Variants in ABR observed in about 807,000 individuals in gnomAD.
ABR encodes the protein active breakpoint cluster region-related protein.
ABR carries 35 observed loss-of-function variants against 107.2 expected under a neutral mutation model. The ratio of observed to expected loss-of-function variants is 0.33; its 90% CI spans 0.25 to 0.43. ABR has a LOEUF of 0.43. ABR is among the 20% of genes least tolerant of loss of function. The pLI, the probability that ABR is intolerant of heterozygous loss-of-function variation, is 1.00. For missense variants in ABR, 815 were observed against 1,115.2 expected, an observed-to-expected ratio of 0.73 and a Z score of 3.83; for synonymous variants, 498 against 462.0, an observed-to-expected ratio of 1.08 and a Z score of -1.00.
At chr17:1,170,007 T>G (rs201909652) in intron 1 of ABR, among the ~76,000 whole-genome samples, 2,882 of 121,410 alleles carry the variant, frequency 0.024, 72 homozygotes, top group East Asian at 0.068. Context: ...TGTGTGTGTG[T>G]GGGGGGGGGG....
At chr17:1,007,413 G>C in intron 21 of ABR, 101 bp from the exon 22 acceptor site, 1 of 1,408,480 alleles carries the variant, frequency 7.1e-7, no homozygotes, top group Non-Finnish European at 9.7e-7. Flanking sequence ...AAGGACTCCT[G>C]GAAGGGGTCA....
At chr17:1,152,187 G>A (rs758490429) in intron 1 of ABR, among the ~76,000 whole-genome samples, 14 of 152,248 alleles carry the variant, frequency 9.2e-5, no homozygotes, top group Non-Finnish European at 2.1e-4. Flanking sequence ...CTACTCGGGA[G>A]GCTGAGGCAG....
At chr17:1,060,272 T>A (rs746928749) in intron 10 of ABR, among the ~76,000 whole-genome samples, 3 of 151,928 alleles carry the variant, frequency 2.0e-5, no homozygotes, top group Non-Finnish European at 4.4e-5. Flanking sequence ...CTACCGGGCG[T>A]GGTGGCGGGC....
chr17:1,053,870 A>G (rs2032891638), intron 14 of ABR, among the ~76,000 whole-genome samples: 1 of 152,150 alleles, frequency 6.6e-6, no homozygotes, highest in African/African-American at 2.4e-5. Flanking sequence ...TGGGTGGGAC[A>G]GTGCTTCAGA....
At chr17:1,170,512 C>T (rs1197534055) in intron 1 of ABR, among the ~76,000 whole-genome samples, 1 of 152,214 alleles carries the variant, frequency 6.6e-6, no homozygotes, top group African/African-American at 2.4e-5. Context: ...TCTCAGGTCA[C>T]TACAACCTCC....
intron 1 of ABR, among the ~76,000 whole-genome samples, chr17:1,193,791 A>C (rs2042488265): frequency 6.6e-6 from 1 of 152,034 alleles, no homozygotes; most frequent in Non-Finnish European, 1.5e-5. Context: ...CCCAGGTTGA[A>C]GCGATTCACC....
In ABR at chr17:1,100,781, C is replaced by T. The variant is rs769638618; in HGVS notation, c.247-46G>A. 103 of 1,580,904 alleles carry T rather than the reference C, an allele frequency of 6.5e-5. 1 individual carries two copies. The South Asian group carries it at 1.1e-3, about 17-fold the overall frequency. On this transcript the variant is annotated intron_variant, in intron 2 of 22. Transcript: ENST00000302538. ...GCCAACAGCTCATGAGCAAGGAGGC[C>T]AAAACCCTGCGTGGACGGTCTGCTT...
intron 1 of ABR, among the ~76,000 whole-genome samples, chr17:1,174,040 C>G (rs906189008): frequency 2.0e-5 from 3 of 152,232 alleles, no homozygotes; most frequent in African/African-American, 7.2e-5. Context: ...GCAGATCATA[C>G]CTCAGACAGA....
At chr17:1,112,720 G>A (rs1261350789) in intron 2 of ABR, among the ~76,000 whole-genome samples, 1 of 152,136 alleles carries the variant, frequency 6.6e-6, no homozygotes, top group Non-Finnish European at 1.5e-5. Flanking sequence ...CATGGAGGGT[G>A]AGGGGCATAA....
At position 1,011,957 on chromosome 17, in the gene ABR, C is replaced by T. The variant is rs372963142; in HGVS notation, c.1990G>A (p.Val664Ile). ...TCCACCTCCTCCACACACTGCCGGA[C>T]GATGTAGGGCACCTTGGAGCGCTCC... Reference protein sequence around the residue: ...KRERSKVPYIVRQCVEEVEKR... With the variant: ...KRERSKVPYIIRQCVEEVEKR... The change falls in exon 19 of 23, where the codon GTC becomes ATC. Residue 664 changes from valine (V) to isoleucine (I), a missense_variant. Around this residue, in one of 5 missense-constraint regions of ABR, gnomAD observed 175 missense variants for 284.3 expected, o/e 0.62. Transcript: ENST00000302538. This position sits in a 1 kb window ranked among gnomAD's most constrained non-coding sequence, Gnocchi z 4.8. The T allele has an allele frequency of 8.6e-5, 139 of 1,613,540 alleles. 2 individuals are homozygous for T. The highest frequency in any genetic ancestry group is 5.7e-4 in the Admixed American group (34 of 59,984).
At chr17:1,229,569 G>T (rs566714770) in exon 1 of ABR, among the ~76,000 whole-genome samples, 10 of 152,080 alleles carry the variant, frequency 6.6e-5, no homozygotes, top group South Asian at 2.1e-4. Flanking sequence ...CCTCGGGACC[G>T]GCGCCTCCGC....
chr17:1,155,776 C>A (rs1375232905), intron 1 of ABR, among the ~76,000 whole-genome samples: 1 of 151,870 alleles, frequency 6.6e-6, no homozygotes, highest in African/African-American at 2.4e-5. Context: ...CCAGCCTAAC[C>A]AACATAGTAA....
Position 1,003,647 on chromosome 17 carries a change from CT to C in ABR, c.*2432del, listed in dbSNP as rs1290312206. On this transcript the variant is annotated 3_prime_UTR_variant, in exon 23 of 23. Transcript: ENST00000302538. ...AGACAAAAAAATATATCCTTACCAACTTATTAAAGTCAGATATTCATGAAGG... is the reference window on the plus strand; with the variant it reads ...AGACAAAAAAATATATCCTTACCAACTATTAAAGTCAGATATTCATGAAGG... The C allele has an allele frequency of 6.6e-6, 1 of 152,490 alleles. No homozygotes were observed. The highest frequency in any genetic ancestry group is 1.5e-5 in the Non-Finnish European group (1 of 68,046). 9.4% of individuals were successfully genotyped at this position (152,490 alleles called of 1,614,324 possible). A position where few individuals can be genotyped will look rare whatever the true frequency, so the allele number is the denominator to read the frequency against.
chr17:1,222,539 C>A (rs2043137886), intron 1 of ABR, among the ~76,000 whole-genome samples: 2 of 152,142 alleles, frequency 1.3e-5, no homozygotes, highest in Non-Finnish European at 2.9e-5. Context: ...GGGCAGAAAA[C>A]CCATCAGGTT....
intron 20 of ABR, 159 bp from the exon 21 acceptor site, chr17:1,009,943 T>G: frequency 1.6e-6 from 1 of 635,166 alleles, no homozygotes; most frequent in Non-Finnish European, 2.8e-6. Flanking sequence ...GGGTGGGCTG[T>G]CAGCAGCTGC....
intron 2 of ABR, among the ~76,000 whole-genome samples, chr17:1,112,207 C>T (rs1162680933): frequency 1.3e-5 from 2 of 152,202 alleles, no homozygotes; most frequent in East Asian, 1.9e-4. Flanking sequence ...GGCACACATA[C>T]GAGGCTGGGA....
chr17:1,036,257 G>T (rs2073171633), intron 16 of ABR, among the ~76,000 whole-genome samples: 2 of 152,324 alleles, frequency 1.3e-5, no homozygotes. Flanking sequence ...GCCCCAGTGG[G>T]GATAGCCTGG....
At chr17:1,007,635 T>G (rs539204223) in intron 21 of ABR, among the ~76,000 whole-genome samples, 1 of 152,350 alleles carries the variant, frequency 6.6e-6, no homozygotes, top group East Asian at 1.9e-4. Flanking sequence ...GAAAACTCCC[T>G]GGAACAACTC....
At chr17:1,065,876 G>A (rs930465527) in intron 10 of ABR, among the ~76,000 whole-genome samples, 59 of 151,620 alleles carry the variant, frequency 3.9e-4, no homozygotes, top group African/African-American at 1.4e-3. Context: ...CTCCTGAGTA[G>A]CTGGGATTAC....
Sources: allele counts gnomAD v4.1 joint callset (sites outside exome capture counted in the v4.1 genomes callset), GRCh38; gene constraint gnomAD v4.1.1; regional missense constraint gnomAD v4.1.1; non-coding constraint Gnocchi (gnomAD v3.1); transcripts MANE v1.5; gene names NCBI Gene and HGNC (gene_info 2026-07-23, HGNC 2026-07-21).